The following GMDS variants were observed in gnomAD, a reference collection of about 807,000 sequenced individuals.
GMDS encodes GDP-mannose 4,6 dehydratase.
A neutral mutation model predicts 49.9 loss-of-function variants in GMDS; 20 were observed. The observed-to-expected ratio is 0.40, with a 90% CI of 0.28 to 0.58. The LOEUF (loss-of-function observed/expected upper bound fraction) is 0.58, where lower values mean the gene tolerates loss of function less well. GMDS is among the 20% of genes least tolerant of loss of function. The pLI, the probability that GMDS is intolerant of heterozygous loss-of-function variation, is 0.42. For synonymous variants in GMDS, 177 were observed against 178.6 expected (o/e 0.99, Z 0.07); for missense variants, 362 against 481.4 (o/e 0.75, Z 2.32).
At chr6:2,083,971 T>C (rs1444270928) in intron 4 of GMDS, among the ~76,000 whole-genome samples, 1 of 152,192 alleles carries the variant, frequency 6.6e-6, no homozygotes, top group African/African-American at 2.4e-5. Flanking sequence ...TAATAAATCA[T>C]AAATCAGTCA....
At chr6:2,205,571 C>T (rs896357665) in intron 1 of GMDS, among the ~76,000 whole-genome samples, 2 of 152,176 alleles carry the variant, frequency 1.3e-5, no homozygotes, top group African/African-American at 2.4e-5. Flanking sequence ...CATTTGTTTC[C>T]GATTCCAATT....
intron 4 of GMDS, among the ~76,000 whole-genome samples, chr6:1,999,983 T>A (rs1471319304): frequency 5.9e-4 from 9 of 15,208 alleles, no homozygotes; most frequent in Admixed American, 1.2e-3. Flanking sequence ...TATATATATT[T>A]TATATATATA....
At chr6:2,126,058 T>C (rs1241133836) in intron 1 of GMDS, among the ~76,000 whole-genome samples, 1 of 152,176 alleles carries the variant, frequency 6.6e-6, no homozygotes, top group Admixed American at 6.5e-5. Flanking sequence ...GGGGTCTTCA[T>C]TTGACCTAAA....
chr6:2,075,461 A>T (rs530550701), intron 4 of GMDS, among the ~76,000 whole-genome samples: 5 of 152,150 alleles, frequency 3.3e-5, no homozygotes, highest in Admixed American at 1.3e-4. Flanking sequence ...CCTGTGTCCA[A>T]GTGTTCTCAT....
intron 9 of GMDS, among the ~76,000 whole-genome samples, chr6:1,687,769 T>C (rs1370082763): frequency 1.3e-5 from 2 of 151,372 alleles, no homozygotes; most frequent in African/African-American, 4.9e-5. Flanking sequence ...TCTAACTTTC[T>C]GGGGGAGGAG....
chr6:1,885,832 C>T (rs1759575918), intron 7 of GMDS, among the ~76,000 whole-genome samples: 1 of 152,190 alleles, frequency 6.6e-6, no homozygotes, highest in Non-Finnish European at 1.5e-5. Context: ...CAGCCGCAGG[C>T]AGAGGGGCCA....
At position 2,197,255 on chromosome 6, in the gene GMDS, G is replaced by A. The variant is rs72830175; in HGVS notation, c.102+48066C>T. ...CTTCATGTCCCTGACTCATCCAAGC[G>A]ACTCAAGGCCGCCCAGCTCTCCAAG... On this transcript the variant is annotated intron_variant, in intron 1 of 10. Transcript: ENST00000380815. Among the ~76,000 whole-genome samples, 403 of 152,230 alleles carry A rather than the reference G, an allele frequency of 2.6e-3. 1 individual carries two copies. Among genetic ancestry groups the A allele is most frequent in the South Asian group, 5.8e-3 (28 of 4,822 alleles).
intron 4 of GMDS, among the ~76,000 whole-genome samples, chr6:2,015,453 T>C (rs536903623): frequency 3.3e-5 from 5 of 152,314 alleles, no homozygotes; most frequent in African/African-American, 4.8e-5. Context: ...TAAATATTTT[T>C]AACTAATAAA....
At chr6:1,979,256 C>A (rs1765088457) in intron 4 of GMDS, among the ~76,000 whole-genome samples, 1 of 152,168 alleles carries the variant, frequency 6.6e-6, no homozygotes, top group Admixed American at 6.5e-5. Flanking sequence ...CTTTGCTGAG[C>A]TAAGGGAGCA....
chr6:1,773,325 T>C (rs1768660806), intron 7 of GMDS, among the ~76,000 whole-genome samples: 3 of 152,194 alleles, frequency 2.0e-5, no homozygotes, highest in Admixed American at 2.0e-4. Flanking sequence ...TGAATAATTC[T>C]CTAAATACAA....
At chr6:1,784,044 A>G (rs913558060) in intron 7 of GMDS, among the ~76,000 whole-genome samples, 1 of 152,224 alleles carries the variant, frequency 6.6e-6, no homozygotes, top group African/African-American at 2.4e-5. Context: ...AGGCCCTAAC[A>G]GGAGTAAAAA....
rs762313896 is a variant in GMDS at position 1,640,387 on chromosome 6, C to G, written c.988-15847G>C. On this transcript the variant is annotated intron_variant, in intron 9 of 10. Coordinates refer to ENST00000380815, the MANE Select transcript of GMDS (RefSeq NM_001500.4). This position sits in a 1 kb window ranked among gnomAD's most constrained non-coding sequence, Gnocchi z 4.0. ...GTCCTCATCCTCAGGCATGCCACACCTGCAGGTGTGTTATGCACCTGTCAC... is the reference window on the plus strand; with the variant it reads ...GTCCTCATCCTCAGGCATGCCACACGTGCAGGTGTGTTATGCACCTGTCAC... Among the ~76,000 whole-genome samples the G allele has an allele frequency of 3.3e-5, 5 of 152,166 alleles. No homozygotes were observed. Among genetic ancestry groups the G allele is most frequent in the Non-Finnish European group, 5.9e-5 (4 of 68,026 alleles).
At chr6:1,960,716 C>T in intron 5 of GMDS, 58 bp downstream of exon 5, 2 of 1,131,022 alleles carry the variant, frequency 1.8e-6, no homozygotes, top group South Asian at 3.7e-5. Flanking sequence ...AAAACACACA[C>T]CCCCCACACC....
chr6:1,925,710 C>A (rs142189162), intron 7 of GMDS, among the ~76,000 whole-genome samples: 3,569 of 152,214 alleles, frequency 0.023, 63 homozygotes, highest in Non-Finnish European at 0.032. Flanking sequence ...GGTTGTGATA[C>A]GGAAGAGGGG....
At chr6:1,753,478 T>C (rs188931593) in intron 7 of GMDS, among the ~76,000 whole-genome samples, 3 of 151,910 alleles carry the variant, frequency 2.0e-5, no homozygotes, top group African/African-American at 7.2e-5. Context: ...TATTAGATCA[T>C]TGAGACAGAA....
At chr6:1,854,482 C>G (rs543246685) in intron 7 of GMDS, among the ~76,000 whole-genome samples, 2 of 152,334 alleles carry the variant, frequency 1.3e-5, no homozygotes, top group East Asian at 3.9e-4. Context: ...TGGTTTCCAA[C>G]TGGGAGTGAT....
chr6:1,829,228 T>C (rs915278164), intron 7 of GMDS, among the ~76,000 whole-genome samples: 1 of 152,188 alleles, frequency 6.6e-6, no homozygotes, highest in Non-Finnish European at 1.5e-5. Flanking sequence ...TTCAAACCCA[T>C]GTTGTTCAAG....
intron 7 of GMDS, among the ~76,000 whole-genome samples, chr6:1,804,443 C>G (rs1348180767): frequency 6.6e-6 from 1 of 152,244 alleles, no homozygotes; most frequent in East Asian, 1.9e-4. Context: ...CGTCTGCCAC[C>G]TCCACTTCTC....
intron 4 of GMDS, among the ~76,000 whole-genome samples, chr6:2,070,437 A>G (rs1483925809): frequency 6.6e-6 from 1 of 152,084 alleles, no homozygotes; most frequent in Non-Finnish European, 1.5e-5. Context: ...AAAAAAGAAA[A>G]ACCATTATCA....
Sources: gnomAD v4.1 joint callset for allele counts (sites outside exome capture counted in the v4.1 genomes callset) on GRCh38, gnomAD v4.1.1 for gene constraint, Gnocchi (gnomAD v3.1) non-coding constraint, MANE v1.5 for transcripts, NCBI Gene and HGNC (gene_info 2026-07-23, HGNC 2026-07-21) for gene names.